The following MICU1 variants were observed in gnomAD, a reference collection of about 807,000 sequenced individuals.
MICU1 encodes calcium uptake protein 1, mitochondrial.
Under a neutral mutation model 56.8 loss-of-function variants are expected in MICU1, and 45 were observed. The observed-to-expected ratio is 0.79, with a 90% confidence interval of 0.62 to 1.02. The LOEUF is 1.02. MICU1 is among the 50% of genes least tolerant of loss of function. The pLI is 0.00. For synonymous variants in MICU1, 186 were observed against 195.1 expected, an observed-to-expected ratio of 0.95 and a Z score of 0.39; for missense variants, 504 against 587.1, an observed-to-expected ratio of 0.86 and a Z score of 1.46.
At position 72,381,956 on chromosome 10, in the gene MICU1, A is replaced by G. The variant is rs537373472; in HGVS notation, c.1181-6084T>C. ...TTGGTGGAGGAGACTGTGTATATAT[A>G]TATCTATACACACACACACACACAC... On this transcript the variant is annotated intron_variant, in intron 10 of 11. Transcript: ENST00000361114. Among the ~76,000 whole-genome samples the G allele has an allele frequency of 3.3e-3, 419 of 126,842 alleles. 1 individual carries two copies. The highest frequency in any genetic ancestry group is 0.012 in the African/African-American group (398 of 32,770). The allele number at this position is 126,842 out of a possible 152,430, so 83.2% of individuals were successfully genotyped here.
chr10:72,453,378 C>G (rs915539437), intron 8 of MICU1, among the ~76,000 whole-genome samples: 1 of 152,118 alleles, frequency 6.6e-6, no homozygotes, highest in African/African-American at 2.4e-5. Context: ...AGCTATTATA[C>G]TAGCAGAGTT....
At chr10:72,458,572 T>C (rs537911650) in intron 8 of MICU1, among the ~76,000 whole-genome samples, 3 of 152,282 alleles carry the variant, frequency 2.0e-5, no homozygotes, top group South Asian at 4.1e-4. Flanking sequence ...GCTTTCAAAC[T>C]TTAAAGGGTA....
intron 1 of MICU1, chr10:72,583,042 C>T (rs1032246021): frequency 6.6e-6 from 1 of 151,590 alleles, no homozygotes; most frequent in African/African-American, 2.4e-5. Flanking sequence ...GGCCTGTGAA[C>T]AGCACTGCAG....
intron 1 of MICU1, among the ~76,000 whole-genome samples, chr10:72,590,418 A>G (rs369377961): frequency 1.3e-5 from 2 of 152,360 alleles, no homozygotes; most frequent in South Asian, 2.1e-4. Context: ...AAAACTGACA[A>G]AAATGAAGGT....
chr10:72,441,680 G>A (rs1198318844), intron 8 of MICU1, among the ~76,000 whole-genome samples: 7 of 132,792 alleles, frequency 5.3e-5, no homozygotes, highest in Admixed American at 8.7e-5. Context: ...GCAGTGGTAC[G>A]ATCTAGGCTC....
At chr10:72,569,260 C>T (rs1159915436) in intron 1 of MICU1, among the ~76,000 whole-genome samples, 1 of 25,832 alleles carries the variant, frequency 3.9e-5, no homozygotes, top group Admixed American at 4.8e-4. Context: ...TTTGAGATGG[C>T]GTCTCACTCT....
intron 10 of MICU1, among the ~76,000 whole-genome samples, chr10:72,391,385 T>C (rs1373537251): frequency 6.6e-6 from 1 of 151,776 alleles, no homozygotes; most frequent in East Asian, 1.9e-4. Context: ...TGAGTCGAGA[T>C]CATGCCACTG....
intron 1 of MICU1, among the ~76,000 whole-genome samples, chr10:72,582,475 C>T (rs931099215): frequency 1.3e-5 from 2 of 152,116 alleles, no homozygotes; most frequent in Non-Finnish European, 2.9e-5. Context: ...AGCAATGGCT[C>T]ATGCCTGAAA....
At chr10:72,519,285 T>A (rs552398723) in intron 5 of MICU1, among the ~76,000 whole-genome samples, 1 of 152,234 alleles carries the variant, frequency 6.6e-6, no homozygotes, top group Admixed American at 6.5e-5. Context: ...TAGATCTTAC[T>A]TATTTCAAAA....
At chr10:72,395,650 T>G (rs1360262733) in intron 10 of MICU1, among the ~76,000 whole-genome samples, 1 of 152,310 alleles carries the variant, frequency 6.6e-6, no homozygotes, top group South Asian at 2.1e-4. Context: ...GCTTGGAGGT[T>G]CCCATGCCCA....
intron 6 of MICU1, among the ~76,000 whole-genome samples, chr10:72,498,981 T>C (rs1248474754): frequency 6.6e-6 from 1 of 152,192 alleles, no homozygotes; most frequent in Non-Finnish European, 1.5e-5. Context: ...ACATTTTAAA[T>C]GAATATTAGA....
chr10:72,379,888 T>A (rs1451887229), intron 10 of MICU1, among the ~76,000 whole-genome samples: 1 of 152,088 alleles, frequency 6.6e-6, no homozygotes, highest in Non-Finnish European at 1.5e-5. Context: ...GGGTCCCCTT[T>A]CCTGGTACAA....
intron 1 of MICU1, among the ~76,000 whole-genome samples, chr10:72,611,247 G>C (rs373692607): frequency 6.6e-6 from 1 of 151,100 alleles, no homozygotes. Context: ...AGTTTGCAGT[G>C]AGCAGAGATC....
intron 1 of MICU1, among the ~76,000 whole-genome samples, chr10:72,581,003 T>C (rs1051192073): frequency 4.6e-5 from 7 of 152,120 alleles, no homozygotes; most frequent in Non-Finnish European, 7.4e-5. Context: ...TGAATTATAA[T>C]AGCAAACAAG....
At chr10:72,408,349 C>T (rs973565321) in intron 9 of MICU1, among the ~76,000 whole-genome samples, 3 of 152,056 alleles carry the variant, frequency 2.0e-5, no homozygotes, top group African/African-American at 7.2e-5. Flanking sequence ...CACTCTGTCA[C>T]CCAAGCTGGA....
At chr10:72,625,798 G>T (rs1179007223) in intron 1 of MICU1, among the ~76,000 whole-genome samples, 1 of 152,288 alleles carries the variant, frequency 6.6e-6, no homozygotes, top group African/African-American at 2.4e-5. Context: ...AGTGGAGGAC[G>T]GGAGGCAAGC....
At chr10:72,606,737 A>G (rs963361928) in intron 1 of MICU1, among the ~76,000 whole-genome samples, 2 of 152,050 alleles carry the variant, frequency 1.3e-5, no homozygotes, top group Non-Finnish European at 2.9e-5. Context: ...TAGTCCCAGA[A>G]TGAGAGGGCT....
intron 3 of MICU1, among the ~76,000 whole-genome samples, chr10:72,553,822 T>C (rs146130285): frequency 1.9e-4 from 29 of 152,320 alleles, no homozygotes; most frequent in African/African-American, 7.0e-4. Context: ...TATAGACCTA[T>C]TATATGGTAT....
chr10:72,414,927 C>T (rs1192921359), intron 9 of MICU1, among the ~76,000 whole-genome samples: 1 of 151,910 alleles, frequency 6.6e-6, no homozygotes, highest in Non-Finnish European at 1.5e-5. Context: ...GTCTATGGCC[C>T]ACTGAAAAAA....
Sources: allele counts gnomAD v4.1 joint callset (sites outside exome capture counted in the v4.1 genomes callset), GRCh38; gene constraint gnomAD v4.1.1; transcripts MANE v1.5; gene names NCBI Gene and HGNC (gene_info 2026-07-23, HGNC 2026-07-21).